FAM135B: variants seen among roughly 807,000 people sequenced by gnomAD.
FAM135B encodes the protein protein FAM135B.
In FAM135B, 43 loss-of-function variants were observed where a neutral mutation model predicts 127.7. That is an observed-to-expected ratio of 0.34 (90% CI 0.26 to 0.43). The LOEUF (loss-of-function observed/expected upper bound fraction) is 0.43. Among genes scored for constraint, FAM135B ranks in the 20% least tolerant of loss-of-function variants. The pLI, the probability that FAM135B is intolerant of heterozygous loss-of-function variation, is 1.00. For synonymous variants in FAM135B, 670 were observed against 665.1 expected (o/e 1.01, Z -0.11); for missense variants, 1,558 against 1,725.6 (o/e 0.90, Z 1.72).
At chr8:138,251,939 C>T (rs367865153) in intron 5 of FAM135B, among the ~76,000 whole-genome samples, 11 of 152,258 alleles carry the variant, frequency 7.2e-5, no homozygotes, top group South Asian at 2.1e-4. Context: ...ACAGAAAGGG[C>T]GAGATGAAGG....
At chr8:138,167,248 T>C (rs1478704064) in intron 12 of FAM135B, among the ~76,000 whole-genome samples, 1 of 152,168 alleles carries the variant, frequency 6.6e-6, no homozygotes, top group Non-Finnish European at 1.5e-5. Context: ...CAGGCTGGAA[T>C]GCGATGGCGA....
chr8:138,267,399 A>G (rs991731107), intron 3 of FAM135B, among the ~76,000 whole-genome samples: 1 of 152,190 alleles, frequency 6.6e-6, no homozygotes, highest in African/African-American at 2.4e-5. Flanking sequence ...ACTGAGATGG[A>G]GCATTGCTAT....
At chr8:138,167,722 A>G (rs1439387961) in intron 12 of FAM135B, among the ~76,000 whole-genome samples, 173 bp downstream of exon 12, 1 of 151,902 alleles carries the variant, frequency 6.6e-6, no homozygotes, top group Non-Finnish European at 1.5e-5. Context: ...CGTTTTGTCT[A>G]TTTCATGGAA....
intron 5 of FAM135B, among the ~76,000 whole-genome samples, chr8:138,252,203 A>G (rs779453438): frequency 6.6e-6 from 1 of 152,166 alleles, no homozygotes; most frequent in Non-Finnish European, 1.5e-5. Context: ...ATTTGTTGAG[A>G]GCTTATTATG....
chr8:138,381,608 A>T (rs1403862348), intron 1 of FAM135B, among the ~76,000 whole-genome samples: 2 of 152,212 alleles, frequency 1.3e-5, no homozygotes, highest in East Asian at 3.8e-4. Context: ...CAAACAGGAG[A>T]AGGAATGAAA....
At chr8:138,455,370 A>C (rs1564016428) in intron 1 of FAM135B, among the ~76,000 whole-genome samples, 1 of 152,202 alleles carries the variant, frequency 6.6e-6, no homozygotes, top group Non-Finnish European at 1.5e-5. Context: ...CATATTCTTC[A>C]TGTTCCAAGT....
chr8:138,451,283 T>G (rs559783870), intron 1 of FAM135B, among the ~76,000 whole-genome samples: 11 of 152,360 alleles, frequency 7.2e-5, no homozygotes, highest in African/African-American at 2.4e-4. Context: ...TCAAGTTGCA[T>G]TCTTGTTTGC....
chr8:138,338,259 G>C (rs2131038537), intron 2 of FAM135B, among the ~76,000 whole-genome samples: 1 of 149,666 alleles, frequency 6.7e-6, no homozygotes, highest in African/African-American at 2.4e-5. Flanking sequence ...ATTGACAAAT[G>C]GGTTCTAATT....
intron 4 of FAM135B, among the ~76,000 whole-genome samples, chr8:138,264,150 T>G (rs1481287655): frequency 1.3e-5 from 2 of 152,204 alleles, no homozygotes; most frequent in Non-Finnish European, 2.9e-5. Context: ...TCTTTGTCCT[T>G]ACTGTGCTCT....
chr8:138,257,758 C>G (rs943063612), intron 4 of FAM135B, among the ~76,000 whole-genome samples: 1 of 152,092 alleles, frequency 6.6e-6, no homozygotes, highest in Admixed American at 6.6e-5. Context: ...CAAGTATTGT[C>G]TGCTGATGTG....
intron 1 of FAM135B, among the ~76,000 whole-genome samples, chr8:138,418,901 C>A (rs866184257): frequency 0.049 from 5,984 of 121,866 alleles, 185 homozygotes; most frequent in Non-Finnish European, 0.079. Context: ...AAAAAAAAAA[C>A]ATACTTAAGC....
intron 6 of FAM135B, among the ~76,000 whole-genome samples, chr8:138,249,810 A>C (rs768853649): frequency 6.6e-6 from 1 of 152,208 alleles, no homozygotes; most frequent in Non-Finnish European, 1.5e-5. Flanking sequence ...TTTTGGAAAC[A>C]CCATGCTGCA....
At chr8:138,393,320 A>G (rs1832685585) in intron 1 of FAM135B, among the ~76,000 whole-genome samples, 1 of 152,174 alleles carries the variant, frequency 6.6e-6, no homozygotes, top group Admixed American at 6.5e-5. Context: ...TTCAAGTGAC[A>G]ATTTCAAAAA....
At chr8:138,230,377 C>A (rs1429290073) in intron 7 of FAM135B, among the ~76,000 whole-genome samples, 1 of 152,054 alleles carries the variant, frequency 6.6e-6, no homozygotes, top group Non-Finnish European at 1.5e-5. Context: ...CAACCTAAGA[C>A]CTGGACATAT....
At chr8:138,153,320 CG>C in intron 12 of FAM135B, 104 bp from the exon 13 acceptor site, 1 of 909,412 alleles carries the variant, frequency 1.1e-6, no homozygotes. Context: ...TATGTGGACT[CG>C]GTTCGAAGAT....
intron 1 of FAM135B, among the ~76,000 whole-genome samples, chr8:138,414,549 T>C (rs554207001): frequency 1.1e-4 from 16 of 152,274 alleles, no homozygotes; most frequent in African/African-American, 3.1e-4. Context: ...AAACAGACTT[T>C]TGAATTTAAT....
rs187877622 is a variant in FAM135B, at chr8:138,471,504, C to G, written c.-20+25167G>C. On this transcript the variant is annotated intron_variant, in intron 1 of 19. Coordinates refer to ENST00000395297, the MANE Select transcript of FAM135B (RefSeq NM_015912.4). ...ACACAGGCATATATGGAAACGATGACTTTTGCTTCTGGCTTAGGGAAACAG... is the reference window on the plus strand; with the variant it reads ...ACACAGGCATATATGGAAACGATGAGTTTTGCTTCTGGCTTAGGGAAACAG... Among the ~76,000 whole-genome samples, 9 of 152,224 alleles carry G rather than the reference C, an allele frequency of 5.9e-5. No individual in the cohort carries two copies. In the East Asian group the frequency reaches 1.7e-3, roughly 29 times the overall value.
chr8:138,491,796 AGG>A (rs1238540342), intron 1 of FAM135B, among the ~76,000 whole-genome samples: 4 of 152,226 alleles, frequency 2.6e-5, no homozygotes, highest in Admixed American at 2.6e-4. Context: ...TGATATGCTA[AGG>A]TGACATTTGA....
intron 4 of FAM135B, among the ~76,000 whole-genome samples, chr8:138,262,158 G>C (rs1822583255): frequency 6.6e-6 from 1 of 152,130 alleles, no homozygotes; most frequent in South Asian, 2.1e-4. Context: ...GAGAACTAAG[G>C]CTGGCTACAA....
Sources: gnomAD v4.1 joint callset for allele counts (sites outside exome capture counted in the v4.1 genomes callset) on GRCh38, gnomAD v4.1.1 for gene constraint, MANE v1.5 for transcripts, NCBI Gene and HGNC (gene_info 2026-07-23, HGNC 2026-07-21) for gene names.